The following CEP192 variants were observed in gnomAD, a reference collection of about 807,000 sequenced individuals.
CEP192 encodes the protein centrosomal protein 192.
In CEP192, 151 loss-of-function variants were observed where a neutral mutation model predicts 271.8. The ratio of observed to expected loss-of-function variants is 0.56; its 90% confidence interval spans 0.49 to 0.64. The LOEUF (loss-of-function observed/expected upper bound fraction) is 0.64. Among genes scored for constraint, CEP192 ranks in the 30% least tolerant of loss-of-function variants. The probability of loss-of-function intolerance (pLI) is 0.00; values close to 1 mark genes in which losing one functional copy is unlikely to be tolerated. For synonymous variants in CEP192, 995 were observed against 1,076.5 expected (o/e 0.92, Z 1.48); for missense variants, 2,910 against 3,020.5 (o/e 0.96, Z 0.86).
At chr18:13,040,628 A>G (rs1027105131) in intron 13 of CEP192, among the ~76,000 whole-genome samples, 2 of 152,166 alleles carry the variant, frequency 1.3e-5, no homozygotes, top group African/African-American at 4.8e-5. Context: ...TGTGAGTTCT[A>G]ATGGTTAAAA....
At chr18:13,108,564 A>C (rs900172909) in intron 40 of CEP192, among the ~76,000 whole-genome samples, 67 of 152,252 alleles carry the variant, frequency 4.4e-4, no homozygotes, top group African/African-American at 1.6e-3. Context: ...GCTCCACATC[A>C]TTAATCATCA....
intron 24 of CEP192, 26 bp from the exon 25 acceptor site, chr18:13,068,826 A>G: frequency 6.2e-7 from 1 of 1,613,954 alleles, no homozygotes; most frequent in South Asian, 1.1e-5. Flanking sequence ...CTGGTCTCCA[A>G]GCTAAAAGAA....
chr18:13,025,508 T>G (rs2035244469), intron 9 of CEP192, among the ~76,000 whole-genome samples: 2 of 152,210 alleles, frequency 1.3e-5, no homozygotes, highest in Admixed American at 6.5e-5. Context: ...CCAGCCACTG[T>G]GCCTGGTCTC....
chr18:13,097,523 C>G (rs115335152), intron 36 of CEP192, among the ~76,000 whole-genome samples: 1,957 of 152,044 alleles, frequency 0.013, 31 homozygotes, highest in African/African-American at 0.043. Context: ...CTTCTTTATT[C>G]TCACGTGGCT....
chr18:13,100,851 T>C (rs879758401), intron 38 of CEP192, among the ~76,000 whole-genome samples: 3 of 152,204 alleles, frequency 2.0e-5, no homozygotes, highest in Non-Finnish European at 4.4e-5. Flanking sequence ...CTTCATCACT[T>C]ACTCACGTGA....
intron 34 of CEP192, among the ~76,000 whole-genome samples, chr18:13,094,408 G>A (rs2039290442): frequency 6.6e-6 from 1 of 152,176 alleles, no homozygotes; most frequent in Non-Finnish European, 1.5e-5. Flanking sequence ...GCCCTTTCAT[G>A]TAATTATTCA....
intron 43 of CEP192, 23 bp downstream of exon 43, chr18:13,116,526 G>T: frequency 6.4e-7 from 1 of 1,571,990 alleles, no homozygotes; most frequent in Admixed American, 1.9e-5. Flanking sequence ...TATTACTATG[G>T]GTTTTGGAAA....
At chr18:13,097,415 A>T (rs966709622) in intron 36 of CEP192, among the ~76,000 whole-genome samples, 4 of 152,046 alleles carry the variant, frequency 2.6e-5, no homozygotes, top group Non-Finnish European at 4.4e-5. Flanking sequence ...GGTCATACGG[A>T]AACACGTTTT....
chr18:13,058,941 G>A (rs1214822762), intron 20 of CEP192, 141 bp from the exon 21 acceptor site: 2 of 634,204 alleles, frequency 3.2e-6, no homozygotes, highest in East Asian at 2.7e-5. Context: ...TAAATGACAA[G>A]GTTTTGACAT....
At chr18:13,014,693 A>T (rs1260326885) in intron 5 of CEP192, among the ~76,000 whole-genome samples, 1 of 152,202 alleles carries the variant, frequency 6.6e-6, no homozygotes, top group Non-Finnish European at 1.5e-5. Flanking sequence ...ATAGCTCAGC[A>T]CTGTCCTCTC....
chr18:13,079,416 T>C (rs1269369880), intron 30 of CEP192, among the ~76,000 whole-genome samples: 2 of 152,260 alleles, frequency 1.3e-5, no homozygotes, highest in Non-Finnish European at 1.5e-5. Context: ...CATGTGTCTG[T>C]TGGCTGCATA....
chr18:13,058,747 G>A, intron 20 of CEP192: 1 of 264,108 alleles, frequency 3.8e-6, no homozygotes, highest in Admixed American at 4.9e-5. Flanking sequence ...CCCACCCACT[G>A]CTGTGTTGTG....
In CEP192 at chr18:13,113,581, C is replaced by T. The variant is rs756387211; in HGVS notation, c.7048-5C>T. The T allele has an allele frequency of 7.4e-6, 12 of 1,612,518 alleles. No individual in the cohort carries two copies. The highest frequency in any genetic ancestry group is 4.5e-5 in the East Asian group (2 of 44,844). On this transcript the variant is annotated splice_polypyrimidine_tract_variant and splice_region_variant and intron_variant, in intron 40 of 44. Transcript: ENST00000506447. ...CTAAATTTCTCTTCTGTATGTATTT[C>T]GTAGGTCTCCATCACATTTTTGCCC...
chr18:12,997,195 A>G (rs566744643), intron 1 of CEP192, among the ~76,000 whole-genome samples: 33 of 152,048 alleles, frequency 2.2e-4, no homozygotes, highest in Non-Finnish European at 4.3e-4. Flanking sequence ...AGGGGCATGG[A>G]CACTTCATAA....
chr18:13,108,117 A>AC (rs2040041769), intron 40 of CEP192, among the ~76,000 whole-genome samples: 1 of 152,132 alleles, frequency 6.6e-6, no homozygotes, highest in Non-Finnish European at 1.5e-5. Context: ...ATGAAACTGG[A>AC]CCCCTGCCTT....
intron 30 of CEP192, among the ~76,000 whole-genome samples, chr18:13,082,602 G>T: frequency 6.6e-6 from 1 of 151,670 alleles, no homozygotes; most frequent in Admixed American, 6.6e-5. Context: ...CTTTTAATTG[G>T]GGCATTTAGT....
In CEP192 at chr18:13,049,596, G is replaced by A; in HGVS notation, c.2805G>A (p.Arg935=). 6.2e-7 allele frequency: 1 copy of A among 1,613,800 alleles called. No individual in the cohort carries two copies. Among genetic ancestry groups the A allele is most frequent in the Non-Finnish European group, 8.5e-7 (1 of 1,179,968 alleles). Residue 935 remains arginine (R), a synonymous_variant, in exon 16 of 45, where the codon AGG becomes AGA. Coordinates refer to ENST00000506447, the MANE Select transcript of CEP192 (RefSeq NM_032142.4). ...TACGAGATAACAGAGAAAATCAGAG[G>A]CAAAATGAGTGTGTCAGTGAAATAA... is the stretch of plus-strand genomic sequence containing the variant. The part of the protein sequence containing the change: ...EEIRDNRENQ[R]QNECVSEISN...
chr18:13,048,753 ATC>A, intron 15 of CEP192, 104 bp from the exon 16 acceptor site: 1 of 708,796 alleles, frequency 1.4e-6, no homozygotes, highest in South Asian at 2.0e-5. Context: ...GGTTTCAGGT[ATC>A]CACTTGGAGG....
intron 11 of CEP192, among the ~76,000 whole-genome samples, chr18:13,031,404 C>A (rs958281926): frequency 6.6e-6 from 1 of 151,982 alleles, no homozygotes; most frequent in African/African-American, 2.4e-5. Flanking sequence ...CCTGCCACTA[C>A]GCCCGGCTAA....
Sources: gnomAD v4.1 joint callset for allele counts (sites outside exome capture counted in the v4.1 genomes callset) on GRCh38, gnomAD v4.1.1 for gene constraint, MANE v1.5 for transcripts, NCBI Gene and HGNC (gene_info 2026-07-23, HGNC 2026-07-21) for gene names.